TTBK1: variants seen among roughly 807,000 people sequenced by gnomAD.
TTBK1 encodes the protein tau-tubulin kinase 1.
In TTBK1, 34 loss-of-function variants were observed where a neutral mutation model predicts 108.5. That is an observed-to-expected ratio of 0.31 (90% confidence interval 0.24 to 0.42). TTBK1 has a LOEUF of 0.42. Ranked by LOEUF, TTBK1 falls within the 10% of genes least tolerant of loss-of-function variation. The pLI is 1.00. For synonymous variants in TTBK1, 809 were observed against 795.1 expected, an observed-to-expected ratio of 1.02 and a Z score of -0.29; for missense variants, 1,539 against 1,826.0, an observed-to-expected ratio of 0.84 and a Z score of 2.86.
chr6:43,255,270 A>C (rs1012448259), intron 7 of TTBK1, among the ~76,000 whole-genome samples, 156 bp downstream of exon 7: 2 of 151,930 alleles, frequency 1.3e-5, no homozygotes, highest in South Asian at 2.1e-4. Flanking sequence ...CCTCTGTGGC[A>C]GACTCAGTGT....
Position 43,263,192 on chromosome 6 carries a change from C to A in TTBK1, c.1828C>A (p.His610Asn). 6.3e-7 allele frequency: 1 copy of A among 1,580,358 alleles called. No homozygotes were observed. Among genetic ancestry groups the A allele is most frequent in the Non-Finnish European group, 8.6e-7 (1 of 1,163,002 alleles). ...GGCGCTGGCGGAGGAGGACCTGCAGCATTTGCCGCCCCAGCCCCTGCCACC... is the reference window on the plus strand; with the variant it reads ...GGCGCTGGCGGAGGAGGACCTGCAGAATTTGCCGCCCCAGCCCCTGCCACC... ...MQALAEEDLQ[H>N]LPPQPLPPQL... is the part of the protein sequence containing the mutation. The change falls in exon 13 of 15, where the codon CAT becomes AAT. Residue 610 changes from histidine (H) to asparagine (N), a missense_variant. His to Asn is a moderately conservative substitution (Grantham distance 68, BLOSUM62 1). Coordinates refer to ENST00000259750, the MANE Select transcript of TTBK1 (RefSeq NM_032538.3). The surrounding 1 kb of genome is among the most constrained non-coding windows in gnomAD (Gnocchi z 4.7).
chr6:43,252,182 CTGTGTGTG>C (rs58985204), intron 2 of TTBK1, among the ~76,000 whole-genome samples: 2,207 of 140,088 alleles, frequency 0.016, 23 homozygotes, highest in East Asian at 0.045. Context: ...ACATCTGGCT[CTGTGTGTG>C]TGTGTGTGTG....
chr6:43,270,540 GC>G (rs1442687584), intron 13 of TTBK1: 2 of 985,784 alleles, frequency 2.0e-6, no homozygotes, highest in Non-Finnish European at 2.4e-6. Context: ...CGGGGGAGGA[GC>G]CCTGTGACCT....
At position 43,252,672 on chromosome 6, in the gene TTBK1, G is replaced by A. The variant is rs928456951; in HGVS notation, c.109-67G>A. ...CCCCACCAATGAAGGATGCAACCAA[G>A]CAGCAGGTGGGATGAGGAGCTGTTC... On this transcript the variant is annotated intron_variant, in intron 2 of 14. Coordinates refer to ENST00000259750, the MANE Select transcript of TTBK1 (RefSeq NM_032538.3). The A allele has an allele frequency of 2.5e-5, 39 of 1,560,538 alleles. No homozygotes were observed. In the African/African-American group the frequency reaches 3.8e-4, roughly 15 times the overall value.
At chr6:43,254,452 G>A in intron 5 of TTBK1, 95 bp from the exon 6 acceptor site, 1 of 818,336 alleles carries the variant, frequency 1.2e-6, no homozygotes, top group Non-Finnish European at 1.9e-6. Flanking sequence ...GGGGCTGAAA[G>A]CCCTTCACCA....
rs930343484 is a variant in TTBK1 at position 43,265,748 on chromosome 6, A to G, written c.1986+2398A>G. Among the ~76,000 whole-genome samples, 17 of 152,186 alleles carry G rather than the reference A, an allele frequency of 1.1e-4. No homozygotes were observed. Among genetic ancestry groups the G allele is most frequent in the Admixed American group, 4.6e-4 (7 of 15,274 alleles). On this transcript the variant is annotated intron_variant, in intron 13 of 14. Coordinates refer to ENST00000259750, the MANE Select transcript of TTBK1 (RefSeq NM_032538.3). This position sits in a 1 kb window ranked among gnomAD's most constrained non-coding sequence, Gnocchi z 4.1. ...AAGTGCAGAGTCTAGGGAGGGTGAC[A>G]GACAGTGTCAAGAGAGAGCCGAGAA...
intron 2 of TTBK1, among the ~76,000 whole-genome samples, chr6:43,251,979 T>C (rs1163336263): frequency 6.6e-6 from 1 of 152,170 alleles, no homozygotes; most frequent in Admixed American, 6.5e-5. Context: ...CAATCCGCCC[T>C]GAGACTGGGA....
intron 13 of TTBK1, among the ~76,000 whole-genome samples, chr6:43,264,104 C>G (rs892885214): frequency 2.0e-5 from 3 of 152,136 alleles, no homozygotes; most frequent in African/African-American, 7.2e-5. Context: ...ATGATCTGAC[C>G]AGTGCGGTGG....
rs376495531 is a variant in TTBK1, at chr6:43,283,281, G to A, written c.2541G>A (p.Ser847=). 1.3e-3 allele frequency: 1,980 copies of A among 1,563,164 alleles called. 37 individuals are homozygous for A. The South Asian group carries it at 0.021, about 17-fold the overall frequency. Residue 847 remains serine, a synonymous_variant, in exon 14 of 15, where the codon TCG becomes TCA. Transcript: ENST00000259750. This position sits in a 1 kb window ranked among gnomAD's most constrained non-coding sequence, Gnocchi z 8.1. ...TCTCTCCTGGCGACATGAAGAAGTC[G>A]CCCGTCACTGCCGAACTGGCCCCCG... The part of the protein sequence containing the change: ...VLVSPGDMKK[S]PVTAELAPDP...
At chr6:43,262,364 GGGT>G (rs1562088924) in intron 12 of TTBK1, among the ~76,000 whole-genome samples, 3 of 149,658 alleles carry the variant, frequency 2.0e-5, no homozygotes, top group Admixed American at 6.7e-5. Flanking sequence ...AGGGCCAGTT[GGGT>G]GTGTTTGCCT....
chr6:43,249,209 C>T (rs749146072), intron 2 of TTBK1, among the ~76,000 whole-genome samples: 10 of 152,056 alleles, frequency 6.6e-5, no homozygotes, highest in Admixed American at 1.3e-4. Flanking sequence ...AGAGTGGAGG[C>T]TCAGAGAGTT....
chr6:43,282,673 C>T lies in TTBK1; in HGVS notation c.1987-54C>T. 1 of 1,485,290 alleles carries T rather than the reference C, an allele frequency of 6.7e-7. No homozygotes were observed. The highest frequency in any genetic ancestry group is 9.1e-7 in the Non-Finnish European group (1 of 1,094,844). The allele number at this position is 1,485,290 out of a possible 1,614,324, so 92.0% of individuals were successfully genotyped here. A position where few individuals can be genotyped will look rare whatever the true frequency, so the allele number is the denominator to read the frequency against. On this transcript the variant is annotated intron_variant, in intron 13 of 14. Coordinates refer to ENST00000259750, the MANE Select transcript of TTBK1 (RefSeq NM_032538.3). The surrounding 1 kb of genome is among the most constrained non-coding windows in gnomAD (Gnocchi z 5.4). ...GGTTGTGGGTGCAGCTGAAGTCTTC[C>T]TGGGCCCAGGAGGGTGGGTGACCTC...
rs1777009992 is a variant in TTBK1, at chr6:43,243,586, G to A, written c.-177G>A. ...GGGTCGGAAGGCCGCCGCCGCCGGA[G>A]GGAGCGGGTCACCCAACGCCGCACT... On this transcript the variant is annotated 5_prime_UTR_variant, in exon 1 of 15. Transcript: ENST00000259750. The surrounding 1 kb of genome is among the most constrained non-coding windows in gnomAD (Gnocchi z 5.5). The A allele has an allele frequency of 1.3e-5, 2 of 152,332 alleles. No individual in the cohort carries two copies. The highest frequency in any genetic ancestry group is 3.6e-4 in the South Asian group (2 of 5,592). The allele number at this position is 152,332 out of a possible 1,614,324, so 9.4% of individuals were successfully genotyped here. A position where few individuals can be genotyped will look rare whatever the true frequency, so the allele number is the denominator to read the frequency against.
Position 43,282,020 on chromosome 6 carries a change from G to A in TTBK1, c.1987-707G>A, listed in dbSNP as rs1211048403. On this transcript the variant is annotated intron_variant, in intron 13 of 14. Coordinates refer to ENST00000259750, the MANE Select transcript of TTBK1 (RefSeq NM_032538.3). The surrounding 1 kb of genome is among the most constrained non-coding windows in gnomAD (Gnocchi z 5.4). ...AGGGCTCTGCACAAAACTTTGAAGA[G>A]GAAAATGGAATGGAGCTCAAGTATA... is the stretch of plus-strand genomic sequence containing the variant. 6.6e-6 allele frequency among the ~76,000 whole-genome samples: 1 copy of A among 152,202 alleles called. No individual in the cohort carries two copies. The highest frequency in any genetic ancestry group is 1.5e-5 in the Non-Finnish European group (1 of 68,038).
At chr6:43,284,956 T>C in intron 14 of TTBK1, 27 bp from the exon 15 acceptor site, 1 of 1,501,420 alleles carries the variant, frequency 6.7e-7, no homozygotes, top group Non-Finnish European at 8.8e-7. Flanking sequence ...GCCCTCTTCT[T>C]TTCTCCTGCC....
intron 13 of TTBK1, chr6:43,270,010 A>G: frequency 7.0e-7 from 1 of 1,426,616 alleles, no homozygotes; most frequent in Non-Finnish European, 9.1e-7. Flanking sequence ...CAGGCAGAGG[A>G]CCATGGTTCC....
Position 43,257,927 on chromosome 6 carries a change from C to A in TTBK1, c.977C>A (p.Pro326Gln). The A allele has an allele frequency of 6.2e-7, 1 of 1,613,860 alleles. No homozygotes were observed. The highest frequency in any genetic ancestry group is 8.5e-7 in the Non-Finnish European group (1 of 1,179,964). The change falls in exon 10 of 15, where the codon CCG becomes CAG. Residue 326 changes from proline (P) to glutamine (Q), a missense_variant. By Grantham distance (76) the Pro-to-Gln change is moderately conservative. This residue lies in a region of TTBK1 where 277 missense variants were observed against 332.4 expected (regional missense o/e 0.83). Transcript: ENST00000259750. This position sits in a 1 kb window ranked among gnomAD's most constrained non-coding sequence, Gnocchi z 4.5. ...CTCCTGTCCACGAGCACCTCTACCC[C>A]GCCCCAGCAGAACACCCGGCAGACG... The part of the protein sequence containing the change: ...DALLSTSTST[P>Q]PQQNTRQTAA...
Position 43,285,267 on chromosome 6 carries a change from C to A in TTBK1, c.3857C>A (p.Thr1286Asn), listed in dbSNP as rs912976623. The change falls in exon 15 of 15, where the codon ACC (threonine) becomes AAC (asparagine). Residue 1286 changes from threonine to asparagine, a missense_variant. Transcript: ENST00000259750. This position sits in a 1 kb window ranked among gnomAD's most constrained non-coding sequence, Gnocchi z 4.7. ...CCGGCCCGGGCCCAGCCTGATGGCACCCCCTCCCCCGGGGGCTCCAAGAAA... is the reference window on the plus strand; with the variant it reads ...CCGGCCCGGGCCCAGCCTGATGGCAACCCCTCCCCCGGGGGCTCCAAGAAA... The part of the protein sequence containing the change: ...VPPARAQPDG[T>N]PSPGGSKKGP... 6 of 1,292,280 alleles carry A rather than the reference C, an allele frequency of 4.6e-6. No individual in the cohort carries two copies. In the East Asian group the frequency reaches 9.4e-5, roughly 20 times the overall value. 80.1% of individuals were successfully genotyped at this position (1,292,280 alleles called of 1,614,324 possible). A position where few individuals can be genotyped will look rare whatever the true frequency, so the allele number is the denominator to read the frequency against.
rs754421 is a variant in TTBK1, at chr6:43,265,528, A to C, written c.1986+2178A>C. On this transcript the variant is annotated intron_variant, in intron 13 of 14. Transcript: ENST00000259750. The surrounding 1 kb of genome is among the most constrained non-coding windows in gnomAD (Gnocchi z 4.1). ...GCAGCCCTGGCAGACCTGGCAGTCA[A>C]GTGGGCTGGCACCATTGCGTTGTAA... is the stretch of plus-strand genomic sequence containing the variant. Among the ~76,000 whole-genome samples, 53,248 of 152,090 alleles carry C rather than the reference A, an allele frequency of 0.35. 9,356 individuals carry two copies. The highest frequency in any genetic ancestry group is 0.38 in the African/African-American group (15,872 of 41,500).
Sources: gnomAD v4.1 joint callset for allele counts (sites outside exome capture counted in the v4.1 genomes callset) on GRCh38, gnomAD v4.1.1 for gene constraint, gnomAD v4.1.1 regional missense constraint, Gnocchi (gnomAD v3.1) non-coding constraint, MANE v1.5 for transcripts, NCBI Gene and HGNC (gene_info 2026-07-23, HGNC 2026-07-21) for gene names.